The following DOCK1 variants were observed in gnomAD, a reference collection of about 807,000 sequenced individuals.
The protein encoded by DOCK1 is dedicator of cytokinesis 1.
A neutral mutation model predicts 262.7 loss-of-function variants in DOCK1; 138 were observed. The ratio of observed to expected loss-of-function variants is 0.53; its 90% CI spans 0.46 to 0.61. The LOEUF (loss-of-function observed/expected upper bound fraction) is 0.61. Ranked by LOEUF, DOCK1 falls within the 20% of genes least tolerant of loss-of-function variation. DOCK1 has a pLI of 0.00. For missense variants in DOCK1, 1,908 were observed against 2,370.7 expected (o/e 0.80, Z 4.05); for synonymous variants, 866 against 867.4 (o/e 1.00, Z 0.03).
At chr10:127,024,238 C>T (rs1160092140) in intron 14 of DOCK1, among the ~76,000 whole-genome samples, 1 of 152,132 alleles carries the variant, frequency 6.6e-6, no homozygotes, top group Non-Finnish European at 1.5e-5. Context: ...CTGCCTGCCT[C>T]GTCTCCCTGG....
chr10:127,218,700 T>G (rs750401900), intron 27 of DOCK1, among the ~76,000 whole-genome samples: 33 of 152,222 alleles, frequency 2.2e-4, no homozygotes, highest in Non-Finnish European at 3.8e-4. Flanking sequence ...CTGTTGTTAT[T>G]TCCCAATCAA....
intron 29 of DOCK1, among the ~76,000 whole-genome samples, chr10:127,266,619 G>T (rs2060367906): frequency 6.6e-6 from 1 of 152,100 alleles, no homozygotes; most frequent in Admixed American, 6.5e-5. Context: ...GCCTCCTCTG[G>T]CATTAAGTGC....
intron 38 of DOCK1, among the ~76,000 whole-genome samples, chr10:127,396,289 T>C (rs917941971): frequency 6.7e-6 from 1 of 149,512 alleles, no homozygotes; most frequent in African/African-American, 2.4e-5. Flanking sequence ...CAGTGATGTT[T>C]GTTGACTCCC....
intron 29 of DOCK1, among the ~76,000 whole-genome samples, chr10:127,333,627 C>G (rs1227749347): frequency 6.6e-6 from 1 of 152,230 alleles, no homozygotes; most frequent in East Asian, 1.9e-4. Flanking sequence ...TCCACCCGCC[C>G]TTTTTGTTCA....
chr10:126,969,626 G>C (rs1473710130), intron 1 of DOCK1, among the ~76,000 whole-genome samples: 1 of 152,140 alleles, frequency 6.6e-6, no homozygotes, highest in Non-Finnish European at 1.5e-5. Flanking sequence ...ACACAGACTT[G>C]GGTCTGGCTT....
At chr10:127,154,622 C>T (rs1223198771) in intron 27 of DOCK1, among the ~76,000 whole-genome samples, 3 of 152,176 alleles carry the variant, frequency 2.0e-5, no homozygotes, top group Non-Finnish European at 2.9e-5. Flanking sequence ...AAATGCCAAG[C>T]CTTATGTTAG....
chr10:127,299,339 G>C (rs1228431019), intron 29 of DOCK1, among the ~76,000 whole-genome samples: 1 of 152,190 alleles, frequency 6.6e-6, no homozygotes, highest in Non-Finnish European at 1.5e-5. Flanking sequence ...CCTGACCTCA[G>C]ATGATCCACC....
At chr10:126,983,518 G>C (rs1440479477) in intron 4 of DOCK1, among the ~76,000 whole-genome samples, 1 of 152,120 alleles carries the variant, frequency 6.6e-6, no homozygotes, top group East Asian at 1.9e-4. Flanking sequence ...TCTCTTGCAT[G>C]ATCGTTCTCA....
intron 29 of DOCK1, among the ~76,000 whole-genome samples, chr10:127,317,024 G>A (rs985591600): frequency 6.6e-6 from 1 of 152,086 alleles, no homozygotes; most frequent in Non-Finnish European, 1.5e-5. Flanking sequence ...CTGTATACAC[G>A]CCATATCATT....
In DOCK1 at chr10:127,288,522, A is replaced by T. The variant is rs552995236; in HGVS notation, c.3044+31093A>T. ...CTGCACCAGGATGTAAAGTAAGGAA[A>T]TACATTTTCCATAGGAAAAAAAATC... On this transcript the variant is annotated intron_variant, in intron 29 of 51. Coordinates refer to ENST00000623213, the MANE Select transcript of DOCK1 (RefSeq NM_001290223.2). Among the ~76,000 whole-genome samples, 3 of 152,178 alleles carry T rather than the reference A, an allele frequency of 2.0e-5. No individual in the cohort carries two copies. In the South Asian group the frequency reaches 6.2e-4, roughly 32 times the overall value.
At chr10:127,259,724 C>T (rs1219070474) in intron 29 of DOCK1, among the ~76,000 whole-genome samples, 2 of 151,866 alleles carry the variant, frequency 1.3e-5, no homozygotes, top group Non-Finnish European at 2.9e-5. Flanking sequence ...AAGTTGCATT[C>T]ATGTCGCTCC....
chr10:127,043,012 A>C, intron 20 of DOCK1, 52 bp from the exon 21 acceptor site: 1 of 1,390,262 alleles, frequency 7.2e-7, no homozygotes, highest in East Asian at 2.4e-5. Context: ...TGAAGATTAT[A>C]AAATGGCTTA....
chr10:127,399,790 T>C (rs894001453), intron 38 of DOCK1, among the ~76,000 whole-genome samples: 2 of 152,076 alleles, frequency 1.3e-5, no homozygotes, highest in African/African-American at 4.8e-5. Flanking sequence ...GGAAAGGTAA[T>C]GTTCTCTTTG....
At chr10:126,960,811 T>C (rs1438633882) in intron 1 of DOCK1, among the ~76,000 whole-genome samples, 3 of 133,698 alleles carry the variant, frequency 2.2e-5, no homozygotes, top group African/African-American at 2.8e-5. Flanking sequence ...CACACACACA[T>C]AGATATATAC....
chr10:127,023,339 G>A lies in DOCK1; in HGVS notation c.1452+15G>A, dbSNP rs1397950164. ...AACGATTAGAGGTATTTATTGTGGC[G>A]AGGGCTCATCTGTAGTGTTTCAGTT... On this transcript the variant is annotated intron_variant, in intron 14 of 51. Coordinates refer to ENST00000623213, the MANE Select transcript of DOCK1 (RefSeq NM_001290223.2). 9 of 1,613,542 alleles carry A rather than the reference G, an allele frequency of 5.6e-6. No individual in the cohort carries two copies. Among genetic ancestry groups the A allele is most frequent in the Middle Eastern group, 3.3e-4 (2 of 6,060 alleles).
intron 1 of DOCK1, among the ~76,000 whole-genome samples, chr10:126,961,905 C>A (rs2134547439): frequency 6.6e-6 from 1 of 152,344 alleles, no homozygotes; most frequent in African/African-American, 2.4e-5. Flanking sequence ...CTGCTTTCCA[C>A]AGCAGCTACA....
intron 33 of DOCK1, among the ~76,000 whole-genome samples, chr10:127,368,080 A>T (rs2065022812): frequency 6.6e-6 from 1 of 152,128 alleles, no homozygotes; most frequent in Non-Finnish European, 1.5e-5. Flanking sequence ...TCTCATAGGC[A>T]TCTGTCTGGC....
At chr10:127,221,998 A>G (rs1257341664) in intron 27 of DOCK1, among the ~76,000 whole-genome samples, 2 of 151,718 alleles carry the variant, frequency 1.3e-5, no homozygotes, top group African/African-American at 2.4e-5. Context: ...ATTATGTTCA[A>G]TGTGTAAACT....
Position 127,366,201 on chromosome 10 carries a change from C to T in DOCK1, c.3432+3989C>T, listed in dbSNP as rs56657907. Among the ~76,000 whole-genome samples, 1,218 of 151,868 alleles carry T rather than the reference C, an allele frequency of 8.0e-3. 16 individuals carry two copies. Among genetic ancestry groups the T allele is most frequent in the African/African-American group, 0.028 (1,154 of 41,398 alleles). ...TTGAACCTCTGCAGACGAGGGATAG[C>T]GTACATTAAAGATCTTTAAAATGAG... is the stretch of plus-strand genomic sequence containing the variant. On this transcript the variant is annotated intron_variant, in intron 33 of 51. Coordinates refer to ENST00000623213, the MANE Select transcript of DOCK1 (RefSeq NM_001290223.2).
Sources: gnomAD v4.1 joint callset for allele counts (sites outside exome capture counted in the v4.1 genomes callset) on GRCh38, gnomAD v4.1.1 for gene constraint, MANE v1.5 for transcripts, NCBI Gene and HGNC (gene_info 2026-07-23, HGNC 2026-07-21) for gene names.